The following FARP1 variants were observed in gnomAD, a reference collection of about 807,000 sequenced individuals.
The protein encoded by FARP1 is FERM, ARHGEF and pleckstrin domain-containing protein 1.
FARP1 carries 52 observed loss-of-function variants against 128.8 expected under a neutral mutation model. The ratio of observed to expected loss-of-function variants is 0.40; its 90% CI spans 0.32 to 0.51. The LOEUF (loss-of-function observed/expected upper bound fraction) is 0.51, where lower values mean the gene tolerates loss of function less well. Among genes scored for constraint, FARP1 ranks in the 20% least tolerant of loss-of-function variants. The pLI is 0.45. For synonymous variants in FARP1, 580 were observed against 551.8 expected (o/e 1.05, Z -0.72); for missense variants, 1,333 against 1,367.9 (o/e 0.97, Z 0.40).
At chr13:98,251,744 A>C (rs575774439) in intron 2 of FARP1, among the ~76,000 whole-genome samples, 8 of 152,310 alleles carry the variant, frequency 5.3e-5, no homozygotes, top group African/African-American at 1.9e-4. Flanking sequence ...CAACTACCAA[A>C]GCCCTCCAGC....
At chr13:98,295,713 A>G (rs201435929) in intron 2 of FARP1, among the ~76,000 whole-genome samples, 2 of 152,198 alleles carry the variant, frequency 1.3e-5, no homozygotes, top group African/African-American at 4.8e-5. Flanking sequence ...TACTCCAGAA[A>G]TAAAGGTCAG....
At chr13:98,390,583 C>T (rs1480781440) in intron 10 of FARP1, 1 of 509,514 alleles carries the variant, frequency 2.0e-6, no homozygotes, top group Non-Finnish European at 3.5e-6. Flanking sequence ...ATCAAGTGGG[C>T]TTAGTTAATT....
At position 98,412,939 on chromosome 13, in the gene FARP1, G is replaced by C. The variant is rs1219161109; in HGVS notation, c.1826+905G>C. Among the ~76,000 whole-genome samples, 4 of 152,366 alleles carry C rather than the reference G, an allele frequency of 2.6e-5. No homozygotes were observed. The East Asian group carries it at 7.7e-4, about 29-fold the overall frequency. ...TGGGCTGTATCCTCACTACCAGTGA[G>C]AATTTGGTTTGGAGTGGCCTCAGGG... On this transcript the variant is annotated intron_variant, in intron 16 of 26. Coordinates refer to ENST00000319562, the MANE Select transcript of FARP1 (RefSeq NM_005766.4).
chr13:98,417,455 GAAAAAAAAAAAAAAAAA>G (rs869304302), intron 16 of FARP1, among the ~76,000 whole-genome samples: 2 of 58,454 alleles, frequency 3.4e-5, no homozygotes, highest in African/African-American at 5.7e-5. Context: ...CCAGAGGTTT[GAAAAAAAAAAAAAAAAA>G]AAAAAAAAAA....
At chr13:98,388,008 G>A (rs1890164943) in intron 8 of FARP1, among the ~76,000 whole-genome samples, 1 of 152,174 alleles carries the variant, frequency 6.6e-6, no homozygotes, top group Non-Finnish European at 1.5e-5. Context: ...ATCATATCAG[G>A]GTTGTTAAGA....
chr13:98,309,411 C>T (rs1309776160), intron 2 of FARP1, among the ~76,000 whole-genome samples: 14 of 151,574 alleles, frequency 9.2e-5, no homozygotes, highest in Non-Finnish European at 1.5e-4. Flanking sequence ...CCTCGTGATC[C>T]GCCCGCCTCG....
At chr13:98,410,932 G>C (rs191766110) in intron 15 of FARP1, 109 bp downstream of exon 15, 16 of 561,378 alleles carry the variant, frequency 2.9e-5, no homozygotes, top group South Asian at 2.2e-4. Flanking sequence ...GCTGACTTCA[G>C]TTGAAAGGAT....
intron 1 of FARP1, among the ~76,000 whole-genome samples, chr13:98,161,423 G>A (rs1245070720): frequency 1.3e-5 from 2 of 152,024 alleles, no homozygotes; most frequent in East Asian, 3.9e-4. Context: ...CACCATGTTA[G>A]CAAGGCTGGT....
Position 98,440,115 on chromosome 13 carries a change from G to C in FARP1, c.2517-8G>C. On this transcript the variant is annotated splice_polypyrimidine_tract_variant and splice_region_variant and intron_variant, in intron 22 of 26. Coordinates refer to ENST00000319562, the MANE Select transcript of FARP1 (RefSeq NM_005766.4). Reference sequence around the variant, plus strand: ...TGGCCTGAACACCTGACGCGTCTCTGTCTCCAGTTCTCGGTCCGAGATGGA... The same window carrying C: ...TGGCCTGAACACCTGACGCGTCTCTCTCTCCAGTTCTCGGTCCGAGATGGA... 1 of 1,611,800 alleles carries C rather than the reference G, an allele frequency of 6.2e-7. No individual in the cohort carries two copies. The highest frequency in any genetic ancestry group is 8.5e-7 in the Non-Finnish European group (1 of 1,177,960).
rs61730893 is a variant in FARP1 at position 98,439,187 on chromosome 13, T to C, written c.2424T>C (p.Tyr808=). ...AAGTCCACGGGCAGCTCCCGCTCTATGGCATGACGGTGAGTACAGCACAGG... is the reference window on the plus strand; with the variant it reads ...AAGTCCACGGGCAGCTCCCGCTCTACGGCATGACGGTGAGTACAGCACAGG... The part of the protein sequence containing the change: ...QFKVHGQLPL[Y]GMTIEESEDE... Residue 808 remains tyrosine (Y), a synonymous_variant, in exon 21 of 27, where the codon TAT becomes TAC. Coordinates refer to ENST00000319562, the MANE Select transcript of FARP1 (RefSeq NM_005766.4). 5,521 of 1,612,586 alleles carry C rather than the reference T, an allele frequency of 3.4e-3. 198 individuals carry two copies. In the African/African-American group the frequency reaches 0.065, roughly 19 times the overall value.
At chr13:98,401,054 G>A (rs566670824) in intron 13 of FARP1, 25 of 152,128 alleles carry the variant, frequency 1.6e-4, no homozygotes, top group African/African-American at 5.3e-4. Flanking sequence ...AAAATAATCC[G>A]TTGCTACCAT....
At chr13:98,339,429 C>G (rs750835290) in intron 2 of FARP1, among the ~76,000 whole-genome samples, 5 of 152,296 alleles carry the variant, frequency 3.3e-5, no homozygotes, top group Admixed American at 6.5e-5. Context: ...CTACCTCCCA[C>G]CAGGTCCTTC....
chr13:98,145,787 A>T (rs1199798224), intron 1 of FARP1, among the ~76,000 whole-genome samples: 1 of 149,834 alleles, frequency 6.7e-6, no homozygotes, highest in African/African-American at 2.4e-5. Flanking sequence ...GCCTGAACCC[A>T]GGAGGCGGAG....
chr13:98,210,584 C>CT (rs1238641816), intron 1 of FARP1, among the ~76,000 whole-genome samples: 1 of 148,306 alleles, frequency 6.7e-6, no homozygotes, highest in Non-Finnish European at 1.5e-5. Context: ...GAGTCTCGCT[C>CT]TGTCGCCCAG....
intron 19 of FARP1, chr13:98,436,208 G>A: frequency 4.7e-6 from 1 of 211,122 alleles, no homozygotes; most frequent in Non-Finnish European, 9.6e-6. Context: ...TTCCAGGAGA[G>A]ATGCAAGTTC....
intron 17 of FARP1, among the ~76,000 whole-genome samples, chr13:98,427,452 C>T (rs1277346132): frequency 6.6e-6 from 1 of 152,180 alleles, no homozygotes; most frequent in Non-Finnish European, 1.5e-5. Context: ...AATCTGAGAT[C>T]ACAGCTCCCC....
At chr13:98,424,690 G>A (rs762311278) in intron 17 of FARP1, 40 bp downstream of exon 17, 1 of 1,417,444 alleles carries the variant, frequency 7.1e-7, no homozygotes, top group South Asian at 1.2e-5. Flanking sequence ...GGTTCACCAA[G>A]GAGAATCGAG....
At chr13:98,388,709 T>G (rs1181289646) in intron 9 of FARP1, among the ~76,000 whole-genome samples, 1 of 152,188 alleles carries the variant, frequency 6.6e-6, no homozygotes, top group Non-Finnish European at 1.5e-5. Flanking sequence ...TACATGAACA[T>G]GTACCTGGGG....
At chr13:98,251,351 G>T (rs1374177528) in intron 2 of FARP1, among the ~76,000 whole-genome samples, 4 of 152,162 alleles carry the variant, frequency 2.6e-5, no homozygotes. Flanking sequence ...ATGGTTTTAT[G>T]CAAGAGATAT....
Sources: allele counts gnomAD v4.1 joint callset (sites outside exome capture counted in the v4.1 genomes callset), GRCh38; gene constraint gnomAD v4.1.1; transcripts MANE v1.5; gene names NCBI Gene and HGNC (gene_info 2026-07-23, HGNC 2026-07-21).